PASD1: variants seen among roughly 807,000 people sequenced by gnomAD.
PASD1 encodes the protein PAS domain containing repressor 1, also known as circadian clock protein PASD1.
A neutral mutation model predicts 58.8 loss-of-function variants in PASD1; 13 were observed. The ratio of observed to expected loss-of-function variants is 0.22; its 90% CI spans 0.14 to 0.35. PASD1 has a LOEUF of 0.35. Ranked by LOEUF, PASD1 falls within the 10% of genes least tolerant of loss-of-function variation. The pLI is 1.00. For missense variants in PASD1, 734 were observed against 568.3 expected, an observed-to-expected ratio of 1.29 and a Z score of -2.96; for synonymous variants, 236 against 216.7, an observed-to-expected ratio of 1.09 and a Z score of -0.78.
intron 10 of PASD1, among the ~76,000 whole-genome samples, chrX:151,662,259 T>C (rs1482046130): frequency 1.8e-5 from 2 of 111,390 alleles, no homozygotes; most frequent in Non-Finnish European, 1.9e-5. Context: ...CCATGGGCAT[T>C]TTTTTATTAT....
rs2014274243 is a variant in PASD1 at position 151,658,489 on chromosome X, C to T, written c.718-1224C>T. 4.5e-5 allele frequency among the ~76,000 whole-genome samples: 5 copies of T among 111,844 alleles called. No individual in the cohort carries two copies. The Admixed American group carries it at 4.8e-4, about 11-fold the overall frequency. On this transcript the variant is annotated intron_variant, in intron 9 of 15. Transcript: ENST00000370357. ...ATATAAGTTTATGTTGAAAATAATCCAGAAAGCAAAGAGTTAGTGATTAAA... is the reference window on the plus strand; with the variant it reads ...ATATAAGTTTATGTTGAAAATAATCTAGAAAGCAAAGAGTTAGTGATTAAA...
chrX:151,673,190 G>A (rs1446792001), intron 14 of PASD1: 1 of 120,430 alleles, frequency 8.3e-6, no homozygotes, highest in African/African-American at 3.2e-5. Flanking sequence ...TAAGTCCTGA[G>A]TGGCAATATA....
At chrX:151,629,352 T>A (rs1278803957) in intron 8 of PASD1, among the ~76,000 whole-genome samples, 2 of 111,201 alleles carry the variant, frequency 1.8e-5, no homozygotes, top group African/African-American at 6.5e-5. Context: ...ACTCCTGACC[T>A]CATGATCCGC....
In PASD1 at chrX:151,664,331, G is replaced by A. The variant is rs2014351838; in HGVS notation, c.1054G>A (p.Ala352Thr). ...AGAGGACTCAGTGGACCTGGGGGCT[G>A]CTGGCGCAAGTGCTCAGGTACTCTG... is the stretch of plus-strand genomic sequence containing the variant. Reference protein sequence around the residue: ...DPEDSVDLGAAGASAQPLQPS... With the variant: ...DPEDSVDLGATGASAQPLQPS... Residue 352 changes from alanine to threonine, a missense_variant, in exon 11 of 16, where the codon GCT becomes ACT. By Grantham distance (58) the Ala-to-Thr change is moderately conservative. Coordinates refer to ENST00000370357, the MANE Select transcript of PASD1 (RefSeq NM_173493.3). 1.7e-6 allele frequency: 2 copies of A among 1,212,057 alleles called. No homozygotes were observed. Among genetic ancestry groups the A allele is most frequent in the Non-Finnish European group, 2.2e-6 (2 of 895,553 alleles).
chrX:151,610,874 A>G (rs1488629027), intron 3 of PASD1, among the ~76,000 whole-genome samples: 4 of 111,546 alleles, frequency 3.6e-5, no homozygotes, highest in Admixed American at 9.6e-5. Flanking sequence ...TGAGGCAGAC[A>G]TGCACATTCC....
chrX:151,597,701 T>A (rs1304491362), intron 1 of PASD1, among the ~76,000 whole-genome samples: 1 of 112,098 alleles, frequency 8.9e-6, no homozygotes, highest in Non-Finnish European at 1.9e-5. Flanking sequence ...CTTTTATTTT[T>A]AAATTATTTT....
At chrX:151,639,014 T>C (rs1469684356) in intron 8 of PASD1, among the ~76,000 whole-genome samples, 3 of 111,939 alleles carry the variant, frequency 2.7e-5, no homozygotes, top group Non-Finnish European at 5.6e-5. Flanking sequence ...AGACTCCTTT[T>C]GTATGGTCTG....
At chrX:151,666,901 G>C (rs947247589) in intron 11 of PASD1, among the ~76,000 whole-genome samples, 4 of 106,535 alleles carry the variant, frequency 3.8e-5, no homozygotes, top group African/African-American at 1.4e-4. Context: ...TATATACCCA[G>C]TAATGGGATG....
chrX:151,652,558 C>CA (rs1339417503), intron 9 of PASD1, among the ~76,000 whole-genome samples: 71 of 102,142 alleles, frequency 7.0e-4, no homozygotes, highest in African/African-American at 2.3e-3. Context: ...AAAAAACAAA[C>CA]AAACAAAAAA....
At chrX:151,670,441 T>A (rs1439823650) in intron 11 of PASD1, among the ~76,000 whole-genome samples, 1 of 112,160 alleles carries the variant, frequency 8.9e-6, no homozygotes, top group Admixed American at 9.5e-5. Context: ...CATAGCACAC[T>A]CTCTACTTTT....
intron 8 of PASD1, among the ~76,000 whole-genome samples, chrX:151,641,927 A>G (rs767603258): frequency 2.7e-5 from 3 of 112,125 alleles, no homozygotes; most frequent in African/African-American, 9.7e-5. Flanking sequence ...GGACGGGTAA[A>G]TTCAAATAGC....
At chrX:151,590,497 T>C in intron 1 of PASD1, among the ~76,000 whole-genome samples, 1 of 111,770 alleles carries the variant, frequency 8.9e-6, no homozygotes, top group Non-Finnish European at 1.9e-5. Context: ...TGGTGGAAGA[T>C]TTAATACCTT....
At chrX:151,611,888 T>A (rs1043868134) in intron 4 of PASD1, 135 bp downstream of exon 4, 1 of 411,823 alleles carries the variant, frequency 2.4e-6, no homozygotes, top group African/African-American at 2.6e-5. Flanking sequence ...TTCATATGGA[T>A]ACATGTGCCA....
At chrX:151,628,708 T>C (rs1363996910) in intron 8 of PASD1, among the ~76,000 whole-genome samples, 2 of 111,677 alleles carry the variant, frequency 1.8e-5, no homozygotes, top group African/African-American at 6.5e-5. Context: ...TTTAAAGTAG[T>C]TTTTTCCAAT....
chrX:151,599,632 G>A (rs1471892290), intron 1 of PASD1, among the ~76,000 whole-genome samples: 13 of 107,958 alleles, frequency 1.2e-4, no homozygotes, highest in South Asian at 4.2e-4. Context: ...AGATGGGGTC[G>A]CGGCCGGGCA....
At chrX:151,639,830 CAT>C (rs1339331656) in intron 8 of PASD1, among the ~76,000 whole-genome samples, 4 of 111,910 alleles carry the variant, frequency 3.6e-5, no homozygotes, top group African/African-American at 9.7e-5. Context: ...AGAATACAGT[CAT>C]GTGTTTAGCT....
chrX:151,620,202 G>T (rs2013687002), intron 4 of PASD1, among the ~76,000 whole-genome samples: 1 of 112,064 alleles, frequency 8.9e-6, no homozygotes, highest in South Asian at 3.7e-4. Flanking sequence ...GTATAGTACA[G>T]CATTTTGTAT....
chrX:151,652,908 G>A (rs182305845), intron 9 of PASD1, among the ~76,000 whole-genome samples: 1,750 of 111,107 alleles, frequency 0.016, 33 homozygotes, highest in African/African-American at 0.055. Context: ...GGCTTTGGAA[G>A]CCATTGTATA....
chrX:151,666,350 T>TAA (rs1357526506), intron 11 of PASD1, among the ~76,000 whole-genome samples: 3 of 110,332 alleles, frequency 2.7e-5, no homozygotes, highest in Non-Finnish European at 5.7e-5. Context: ...TCTCGGCCAA[T>TAA]CAGTTGAGAA....
Sources: gnomAD v4.1 joint callset for allele counts (sites outside exome capture counted in the v4.1 genomes callset) on GRCh38, gnomAD v4.1.1 for gene constraint, MANE v1.5 for transcripts, NCBI Gene and HGNC (gene_info 2026-07-23, HGNC 2026-07-21) for gene names.